The following KCNK18 variants were observed in gnomAD, a reference collection of about 807,000 sequenced individuals.
KCNK18 encodes potassium two pore domain channel subfamily K member 18.
In KCNK18, 8 loss-of-function variants were observed where a neutral mutation model predicts 11.8. That is an observed-to-expected ratio of 0.68 (90% CI 0.40 to 1.22). The LOEUF is 1.22. KCNK18 is among the 50% of genes most tolerant of loss of function. KCNK18 has a pLI of 0.01. For synonymous variants in KCNK18, 208 were observed against 185.8 expected (o/e 1.12, Z -0.97); for missense variants, 442 against 465.4 (o/e 0.95, Z 0.46).
In KCNK18 at chr10:117,201,225, G is replaced by C. The variant is rs866352461; in HGVS notation, c.290G>C (p.Arg97Thr). The C allele has an allele frequency of 6.2e-7, 1 of 1,614,150 alleles. No individual in the cohort carries two copies. The highest frequency in any genetic ancestry group is 2.2e-5 in the East Asian group (1 of 44,882). Residue 97 changes from arginine (R) to threonine (T), a missense_variant, in exon 2 of 3, where the codon AGG (arginine) becomes ACG (threonine). By Grantham distance (71) the Arg-to-Thr change is moderately conservative. Transcript: ENST00000334549. ...LQKVKPQWFN[R>T]TTHWSFLSSL... ...AAGGTGAAGCCTCAGTGGTTTAACA[G>C]GACCACACACTGGTCCTTCCTGAGC...
chr10:117,198,235 C>T (rs982365906), intron 1 of KCNK18, among the ~76,000 whole-genome samples: 15 of 152,140 alleles, frequency 9.9e-5, no homozygotes, highest in Non-Finnish European at 1.5e-5. Flanking sequence ...TTTCAAACTC[C>T]TTTTCTGCTG....
In KCNK18 at chr10:117,209,571, CT is replaced by C. The variant is rs756698441; in HGVS notation, c.428del (p.Leu143ArgfsTer92). 6 of 1,614,102 alleles carry C rather than the reference CT, an allele frequency of 3.7e-6. No homozygotes were observed. Among genetic ancestry groups the C allele is most frequent in the Non-Finnish European group, 5.1e-6 (6 of 1,179,984 alleles). Reference sequence around the variant, plus strand: ...GCTCTATGCTCTCTTTGGTATCCCCCTGATGTTCCTCGTTCTCACGGACACA... The same window carrying C: ...GCTCTATGCTCTCTTTGGTATCCCCCGATGTTCCTCGTTCTCACGGACACA... ...CMLYALFGIPLMFLVLTDTGD... is the reference protein window; with the variant it reads ...CMLYALFGIPXMFLVLTDTGD... On this transcript the variant is annotated frameshift_variant, in exon 3 of 3. Transcript: ENST00000334549. LOFTEE classifies it low-confidence loss of function (END_TRUNC).
chr10:117,198,960 T>A (rs1201182407), intron 1 of KCNK18, among the ~76,000 whole-genome samples: 1 of 152,074 alleles, frequency 6.6e-6, no homozygotes, highest in Admixed American at 6.6e-5. Context: ...AGAGTACACA[T>A]CCCCAGGCTC....
rs1658236651 is a variant in KCNK18 at position 117,209,555 on chromosome 10, T to A, written c.411T>A (p.Ala137=). 3 of 1,612,498 alleles carry A rather than the reference T, an allele frequency of 1.9e-6. No homozygotes were observed. Among genetic ancestry groups the A allele is most frequent in the Non-Finnish European group, 2.5e-6 (3 of 1,178,590 alleles). The part of the protein sequence containing the change: ...RLGKYLCMLY[A]LFGIPLMFLV... Reference sequence around the variant, plus strand: ...GCAAGTACTTGTGCATGCTCTATGCTCTCTTTGGTATCCCCCTGATGTTCC... The same window carrying A: ...GCAAGTACTTGTGCATGCTCTATGCACTCTTTGGTATCCCCCTGATGTTCC... Residue 137 remains alanine (A), a synonymous_variant, in exon 3 of 3, where the codon GCT becomes GCA. Coordinates refer to ENST00000334549, the MANE Select transcript of KCNK18 (RefSeq NM_181840.1).
chr10:117,207,391 G>C (rs1383811987), intron 2 of KCNK18, among the ~76,000 whole-genome samples: 1 of 152,094 alleles, frequency 6.6e-6, no homozygotes, highest in Admixed American at 6.6e-5. Context: ...TCCTGTTATT[G>C]ATCTCCATTT....
intron 2 of KCNK18, among the ~76,000 whole-genome samples, chr10:117,204,835 A>G (rs1355730735): frequency 1.3e-5 from 2 of 152,218 alleles, no homozygotes; most frequent in African/African-American, 4.8e-5. Context: ...AGGCCCAGAC[A>G]TCAGTATTTT....
intron 2 of KCNK18, among the ~76,000 whole-genome samples, chr10:117,202,743 G>T (rs1317731705): frequency 1.3e-5 from 2 of 152,186 alleles, no homozygotes; most frequent in African/African-American, 4.8e-5. Context: ...TCAGCTGGGG[G>T]AGCAGTGGGT....
chr10:117,205,758 A>G (rs1204880235), intron 2 of KCNK18, among the ~76,000 whole-genome samples: 2 of 152,122 alleles, frequency 1.3e-5, no homozygotes, highest in African/African-American at 4.8e-5. Flanking sequence ...TTTTTTCAAG[A>G]TGCAAACCAA....
chr10:117,210,018 G>A lies in KCNK18; in HGVS notation c.874G>A (p.Ala292Thr), dbSNP rs748480981. 6 of 1,614,172 alleles carry A rather than the reference G, an allele frequency of 3.7e-6. No homozygotes were observed. The East Asian group carries it at 1.3e-4, about 36-fold the overall frequency. The change falls in exon 3 of 3, where the codon GCC (alanine) becomes ACC (threonine). Residue 292 changes from alanine (A) to threonine (T), a missense_variant. Physicochemically the swap from Ala to Thr is moderately conservative, Grantham distance 58. Transcript: ENST00000334549. ...CCCCATCATTGCCCTTATTGTTTTT[G>A]CCTACATTTCCTGTGCAGCTGCCAT... ...PLPIIALIVF[A>T]YISCAAAILP...
At chr10:117,209,374 T>C in intron 2 of KCNK18, 123 bp from the exon 3 acceptor site, 1 of 883,628 alleles carries the variant, frequency 1.1e-6, no homozygotes, top group Admixed American at 1.7e-5. Context: ...GATGAGTATT[T>C]TCAAAAACAA....
intron 1 of KCNK18, among the ~76,000 whole-genome samples, chr10:117,200,879 A>G (rs1855005737): frequency 6.6e-6 from 1 of 151,956 alleles, no homozygotes; most frequent in East Asian, 1.9e-4. Context: ...CTACACAGCA[A>G]TGCCAGGGCT....
chr10:117,199,519 AAAC>A (rs1346307594), intron 1 of KCNK18, among the ~76,000 whole-genome samples: 1 of 152,212 alleles, frequency 6.6e-6, no homozygotes, highest in African/African-American at 2.4e-5. Context: ...CCTCACAAGA[AAAC>A]AACAAAAAGT....
Position 117,209,781 on chromosome 10 carries a change from A to G in KCNK18, c.637A>G (p.Lys213Glu), listed in dbSNP as rs1207824472. 7 of 1,614,022 alleles carry G rather than the reference A, an allele frequency of 4.3e-6. No individual in the cohort carries two copies. Among genetic ancestry groups the G allele is most frequent in the Non-Finnish European group, 5.9e-6 (7 of 1,180,026 alleles). ...IISAEELPGP[K>E]LGTCPSRPSC... ...CAGTGCTGAAGAGCTTCCAGGCCCCAAACTTGGCACATGTCCTTCACGCCC... is the reference window on the plus strand; with the variant it reads ...CAGTGCTGAAGAGCTTCCAGGCCCCGAACTTGGCACATGTCCTTCACGCCC... Residue 213 changes from lysine to glutamate, a missense_variant, in exon 3 of 3, where the codon AAA becomes GAA. Lys to Glu is a moderately conservative substitution (Grantham distance 56). Transcript: ENST00000334549.
At chr10:117,201,531 C>G (rs774557410) in intron 2 of KCNK18, among the ~76,000 whole-genome samples, 4 of 152,206 alleles carry the variant, frequency 2.6e-5, no homozygotes, top group Non-Finnish European at 5.9e-5. Flanking sequence ...TAATCCTCAC[C>G]AAGAGGTGGG....
chr10:117,209,569 C>T lies in KCNK18; in HGVS notation c.425C>T (p.Pro142Leu). 1.2e-6 allele frequency: 2 copies of T among 1,614,128 alleles called. No individual in the cohort carries two copies. ...ATGCTCTATGCTCTCTTTGGTATCC[C>T]CCTGATGTTCCTCGTTCTCACGGAC... ...LCMLYALFGI[P>L]LMFLVLTDTG... The change falls in exon 3 of 3, where the codon CCC becomes CTC. Residue 142 changes from proline (P) to leucine (L), a missense_variant. Physicochemically the swap from Pro to Leu is moderately conservative, Grantham distance 98 (BLOSUM62 -3). Coordinates refer to ENST00000334549, the MANE Select transcript of KCNK18 (RefSeq NM_181840.1).
At chr10:117,206,626 C>G (rs1158683360) in intron 2 of KCNK18, among the ~76,000 whole-genome samples, 1 of 152,178 alleles carries the variant, frequency 6.6e-6, no homozygotes, top group East Asian at 1.9e-4. Flanking sequence ...CCCGGCCTCC[C>G]CTTGCTCCCC....
chr10:117,206,500 TGACAGATTCTAGGAGTTAG>T (rs1855078694), intron 2 of KCNK18, among the ~76,000 whole-genome samples: 1 of 152,208 alleles, frequency 6.6e-6, no homozygotes, highest in Non-Finnish European at 1.5e-5. Flanking sequence ...AAGGTAGCAT[TGACAGATTCTAGGAGTTAG>T]GACTTGGCTA....
chr10:117,204,187 T>C (rs528563697), intron 2 of KCNK18, among the ~76,000 whole-genome samples: 1 of 146,324 alleles, frequency 6.8e-6, no homozygotes, highest in Admixed American at 7.1e-5. Flanking sequence ...ACTTGAGCCC[T>C]GGAGGTTGAG....
chr10:117,198,284 T>C (rs1466401090), intron 1 of KCNK18, among the ~76,000 whole-genome samples: 15 of 151,670 alleles, frequency 9.9e-5, no homozygotes, highest in Non-Finnish European at 1.0e-4. Flanking sequence ...TGAGAAGACC[T>C]GGGGGGAGGG....
Sources: allele counts gnomAD v4.1 joint callset (sites outside exome capture counted in the v4.1 genomes callset), GRCh38; gene constraint gnomAD v4.1.1; transcripts MANE v1.5; gene names NCBI Gene and HGNC (gene_info 2026-07-23, HGNC 2026-07-21).